Variants in AP3B1 observed in about 807,000 individuals in gnomAD.
AP3B1 encodes the protein AP-3 complex subunit beta-1.
AP3B1 carries 61 observed loss-of-function variants against 132.5 expected under a neutral mutation model. The ratio of observed to expected loss-of-function variants is 0.46; its 90% CI spans 0.37 to 0.57. The LOEUF is 0.57. Ranked by LOEUF, AP3B1 falls within the 20% of genes least tolerant of loss-of-function variation. The pLI is 0.00. For synonymous variants in AP3B1, 388 were observed against 438.3 expected, an observed-to-expected ratio of 0.89 and a Z score of 1.43; for missense variants, 1,120 against 1,289.4, an observed-to-expected ratio of 0.87 and a Z score of 2.01.
At chr5:78,114,025 A>C in intron 18 of AP3B1, 102 bp from the exon 19 acceptor site, 1 of 1,343,872 alleles carries the variant, frequency 7.4e-7, no homozygotes, top group Non-Finnish European at 1.0e-6. Flanking sequence ...CAGATGTTGA[A>C]TTTTAGTTCA....
chr5:78,212,330 A>T (rs943787124), intron 7 of AP3B1, among the ~76,000 whole-genome samples: 2 of 152,212 alleles, frequency 1.3e-5, no homozygotes, highest in African/African-American at 4.8e-5. Context: ...ATGATAAGCC[A>T]TTAAGTATAA....
At chr5:78,054,700 C>T (rs181979446) in intron 22 of AP3B1, among the ~76,000 whole-genome samples, 188 of 152,216 alleles carry the variant, frequency 1.2e-3, no homozygotes, top group Non-Finnish European at 1.7e-3. Flanking sequence ...GGCTGTGTTG[C>T]CTTGCATTTA....
chr5:78,195,022 T>C (rs1021905278), intron 7 of AP3B1, among the ~76,000 whole-genome samples: 18 of 151,986 alleles, frequency 1.2e-4, no homozygotes, highest in African/African-American at 4.3e-4. Flanking sequence ...TAGAATACTT[T>C]TTTTAGTTTC....
At chr5:78,097,362 C>T (rs1468139431) in intron 21 of AP3B1, among the ~76,000 whole-genome samples, 12 of 130,178 alleles carry the variant, frequency 9.2e-5, no homozygotes, top group Admixed American at 2.9e-4. Context: ...CCCGGCCAGC[C>T]GCCCTGTCCG....
Position 78,129,151 on chromosome 5 carries a change from G to A in AP3B1, c.1807C>T (p.Pro603Ser), listed in dbSNP as rs1223108335. Residue 603 changes from proline to serine, a missense_variant, in exon 16 of 27, where the codon CCT becomes TCT. Pro to Ser is a moderately conservative substitution (Grantham distance 74). Coordinates refer to ENST00000255194, the MANE Select transcript of AP3B1 (RefSeq NM_003664.5). ...YAKKIFLAQK[P>S]APLLESPFKD... ...AAAGGAGACTCAAGCAGTGGTGCAG[G>A]CTTTTGTGCTAGGAATATTTTTTTG... The A allele has an allele frequency of 1.2e-6, 2 of 1,613,112 alleles. No individual in the cohort carries two copies.
chr5:78,203,216 A>C (rs1452758375), intron 7 of AP3B1, among the ~76,000 whole-genome samples: 2 of 152,190 alleles, frequency 1.3e-5, no homozygotes, highest in African/African-American at 4.8e-5. Context: ...CCATTCTCAC[A>C]CTACTATTAA....
intron 9 of AP3B1, 87 bp downstream of exon 9, chr5:78,177,252 A>G (rs947135995): frequency 1.2e-6 from 1 of 861,190 alleles, no homozygotes; most frequent in African/African-American, 1.7e-5. Flanking sequence ...TCAGAGTTAT[A>G]TATTAAATGC....
intron 11 of AP3B1, among the ~76,000 whole-genome samples, chr5:78,169,590 G>A (rs1274260071): frequency 6.6e-6 from 1 of 151,858 alleles, no homozygotes; most frequent in African/African-American, 2.4e-5. Flanking sequence ...CACCACGCCT[G>A]GCTAATTTTG....
chr5:78,050,702 G>T (rs1170776281), intron 22 of AP3B1, among the ~76,000 whole-genome samples: 1 of 152,102 alleles, frequency 6.6e-6, no homozygotes, highest in East Asian at 1.9e-4. Context: ...ACTTATAAGT[G>T]TATTATTTTA....
At chr5:78,291,310 T>C (rs1749505245) in intron 1 of AP3B1, among the ~76,000 whole-genome samples, 2 of 149,072 alleles carry the variant, frequency 1.3e-5, no homozygotes, top group Non-Finnish European at 3.0e-5. Context: ...GCAGCCATTG[T>C]GGAAAAGACA....
At chr5:78,201,339 T>C (rs901484069) in intron 7 of AP3B1, among the ~76,000 whole-genome samples, 1 of 152,114 alleles carries the variant, frequency 6.6e-6, no homozygotes, top group Non-Finnish European at 1.5e-5. Context: ...ATAAAAAGAT[T>C]TGTGCAAGAA....
chr5:78,101,679 G>A (rs1694812880), intron 20 of AP3B1, among the ~76,000 whole-genome samples: 1 of 152,060 alleles, frequency 6.6e-6, no homozygotes, highest in South Asian at 2.1e-4. Context: ...CCCCAGCAGA[G>A]ATTTGCTTAT....
intron 1 of AP3B1, among the ~76,000 whole-genome samples, chr5:78,290,381 C>T (rs1232824017): frequency 3.9e-5 from 6 of 152,112 alleles, no homozygotes; most frequent in Non-Finnish European, 7.3e-5. Context: ...GCCACCATTC[C>T]CAGCCTCAGT....
chr5:78,084,538 A>G (rs1266461357), intron 22 of AP3B1, among the ~76,000 whole-genome samples: 20 of 146,326 alleles, frequency 1.4e-4, no homozygotes, highest in Admixed American at 8.2e-4. Flanking sequence ...AAAAAAAAAA[A>G]AAAAAAAAGA....
At chr5:78,098,563 A>G (rs1212544947) in intron 21 of AP3B1, among the ~76,000 whole-genome samples, 1 of 152,212 alleles carries the variant, frequency 6.6e-6, no homozygotes, top group Non-Finnish European at 1.5e-5. Flanking sequence ...ACAAACATAC[A>G]TATGTAAGAT....
intron 11 of AP3B1, among the ~76,000 whole-genome samples, chr5:78,170,710 T>C (rs1273966616): frequency 2.0e-5 from 3 of 152,230 alleles, no homozygotes; most frequent in South Asian, 2.1e-4. Context: ...GAAGTTTCTT[T>C]TGCCATGCAG....
intron 7 of AP3B1, among the ~76,000 whole-genome samples, chr5:78,185,740 T>C (rs1335586693): frequency 6.6e-6 from 1 of 152,124 alleles, no homozygotes; most frequent in Non-Finnish European, 1.5e-5. Context: ...CATGGGGGTA[T>C]GTACCCATAG....
At chr5:78,070,491 T>C (rs1399289687) in intron 22 of AP3B1, among the ~76,000 whole-genome samples, 4 of 150,406 alleles carry the variant, frequency 2.7e-5, no homozygotes, top group Non-Finnish European at 3.0e-5. Context: ...ATTTAGGACA[T>C]AGGCACAGGC....
At chr5:78,227,582 T>C in intron 4 of AP3B1, 50 bp from the exon 5 acceptor site, 1 of 1,581,022 alleles carries the variant, frequency 6.3e-7, no homozygotes, top group Non-Finnish European at 8.7e-7. Flanking sequence ...TACAATATTT[T>C]AAACATATCT....
Sources: gnomAD v4.1 joint callset for allele counts (sites outside exome capture counted in the v4.1 genomes callset) on GRCh38, gnomAD v4.1.1 for gene constraint, MANE v1.5 for transcripts, NCBI Gene and HGNC (gene_info 2026-07-23, HGNC 2026-07-21) for gene names.